Variants in EPB41 observed in about 807,000 individuals in gnomAD.
EPB41 encodes the protein protein 4.1.
A neutral mutation model predicts 108.0 loss-of-function variants in EPB41; 65 were observed. The ratio of observed to expected loss-of-function variants is 0.60; its 90% confidence interval spans 0.49 to 0.74. The LOEUF (loss-of-function observed/expected upper bound fraction) is 0.74. Ranked by LOEUF, EPB41 falls within the 30% of genes least tolerant of loss-of-function variation. The probability of loss-of-function intolerance (pLI) is 0.00; values close to 1 mark genes in which losing one functional copy is unlikely to be tolerated. For missense variants in EPB41, 875 were observed against 1,037.0 expected (o/e 0.84, Z 2.15); for synonymous variants, 336 against 358.9 (o/e 0.94, Z 0.72).
chr1:29,038,512 CTCTT>C (rs1640328108), intron 10 of EPB41, among the ~76,000 whole-genome samples: 1 of 152,258 alleles, frequency 6.6e-6, no homozygotes, highest in African/African-American at 2.4e-5. Flanking sequence ...GAAAAATACT[CTCTT>C]TTTGGTAGTA....
chr1:29,055,275 A>G (rs1645169969), intron 12 of EPB41, among the ~76,000 whole-genome samples: 2 of 152,184 alleles, frequency 1.3e-5, no homozygotes. Flanking sequence ...ACTTTTGACT[A>G]TCCCTCTATT....
intron 16 of EPB41, among the ~76,000 whole-genome samples, chr1:29,083,312 C>T (rs1657492056): frequency 6.6e-6 from 1 of 152,180 alleles, no homozygotes; most frequent in African/African-American, 2.4e-5. Flanking sequence ...CCCATGGTTA[C>T]TCTGTTGTTA....
At chr1:28,963,191 A>G (rs1234671325) in intron 1 of EPB41, among the ~76,000 whole-genome samples, 1 of 152,210 alleles carries the variant, frequency 6.6e-6, no homozygotes, top group East Asian at 1.9e-4. Context: ...AATAACAAAA[A>G]CAAACAAATG....
intron 10 of EPB41, among the ~76,000 whole-genome samples, 163 bp from the exon 11 acceptor site, chr1:29,039,091 A>G (rs947441476): frequency 6.6e-6 from 1 of 152,234 alleles, no homozygotes; most frequent in African/African-American, 2.4e-5. Flanking sequence ...GAGAAATGAC[A>G]AAGAACTAAA....
In EPB41 at chr1:28,993,412, T is replaced by A. The variant is rs1367992922; in HGVS notation, c.551T>A (p.Val184Glu). Residue 184 changes from valine to glutamate, a missense_variant, in exon 3 of 21, where the codon GTA becomes GAA. Val to Glu is a moderately radical substitution (Grantham distance 121). This residue lies in a region of EPB41 where 353 missense variants were observed against 393.2 expected (regional missense o/e 0.90). Coordinates refer to ENST00000343067, the MANE Select transcript of EPB41 (RefSeq NM_001376013.1). The stretch of plus-strand genomic sequence containing the variant: ...CTTGAAGAGTGCTCCAAAATAGAAG[T>A]AAAAGAAGAAAGCCCTCAATCAAAA... ...EGLEECSKIE[V>E]KEESPQSKAE... is the part of the protein sequence containing the mutation. 5.0e-6 allele frequency: 8 copies of A among 1,613,758 alleles called. No homozygotes were observed. Among genetic ancestry groups the A allele is most frequent in the Middle Eastern group, 1.7e-4 (1 of 6,018 alleles).
chr1:28,925,255 G>A (rs2093379559), intron 1 of EPB41, among the ~76,000 whole-genome samples: 1 of 151,942 alleles, frequency 6.6e-6, no homozygotes, highest in Non-Finnish European at 1.5e-5. Flanking sequence ...GAGCCACCGC[G>A]CCTGGCCATT....
chr1:28,966,065 T>C (rs1407040767), intron 1 of EPB41, among the ~76,000 whole-genome samples: 1 of 151,812 alleles, frequency 6.6e-6, no homozygotes, highest in African/African-American at 2.4e-5. Flanking sequence ...AGCCTGTAAT[T>C]CCAGCTACTT....
At position 28,887,658 on chromosome 1, in the gene EPB41, G is replaced by A; in HGVS notation, c.-8+448G>A. 1 of 985,220 alleles carries A rather than the reference G, an allele frequency of 1.0e-6. No homozygotes were observed. The highest frequency in any genetic ancestry group is 1.2e-6 in the Non-Finnish European group (1 of 829,840). 61.0% of individuals were successfully genotyped at this position (985,220 alleles called of 1,614,324 possible). On this transcript the variant is annotated intron_variant, in intron 1 of 16. Transcript: ENST00000347529. This position sits in a 1 kb window ranked among gnomAD's most constrained non-coding sequence, Gnocchi z 4.9. ...GGCTGGCGGCTAGCAGCGGGAGGGG[G>A]CTCCGGGGCCTGGAGCCCCGCGCCC...
intron 7 of EPB41, among the ~76,000 whole-genome samples, chr1:29,029,169 CT>C (rs1479942066): frequency 4.6e-5 from 7 of 151,886 alleles, no homozygotes; most frequent in African/African-American, 1.7e-4. Flanking sequence ...AACTACAAAA[CT>C]TTCCTGAAAT....
At position 28,993,501 on chromosome 1, in the gene EPB41, G is replaced by C. The variant is rs111642750; in HGVS notation, c.640G>C (p.Val214Leu). 1.9e-6 allele frequency: 3 copies of C among 1,614,004 alleles called. No individual in the cohort carries two copies. Among genetic ancestry groups the C allele is most frequent in the Non-Finnish European group, 2.5e-6 (3 of 1,179,980 alleles). The change falls in exon 3 of 21, where the codon GTT (valine) becomes CTT (leucine). Residue 214 changes from valine (V) to leucine (L), a missense_variant. This residue lies in a region of EPB41 where 353 missense variants were observed against 393.2 expected (regional missense o/e 0.90). Transcript: ENST00000343067. ...AAAACACAGGAACATGCACTGCAAG[G>C]TTTCTTTGTTGGATGACACAGTTTA... is the stretch of plus-strand genomic sequence containing the variant. ...IRKHRNMHCKVSLLDDTVYEC... is the reference protein window; with the variant it reads ...IRKHRNMHCKLSLLDDTVYEC...
At chr1:28,933,412 A>G (rs2093843735) in intron 1 of EPB41, among the ~76,000 whole-genome samples, 1 of 152,202 alleles carries the variant, frequency 6.6e-6, no homozygotes. Context: ...TGAGGGTGCT[A>G]AGACTCAATG....
intron 7 of EPB41, among the ~76,000 whole-genome samples, chr1:29,022,359 G>C (rs530190044): frequency 7.3e-6 from 1 of 136,780 alleles, no homozygotes; most frequent in Admixed American, 7.6e-5. Context: ...TTAAGAAACT[G>C]CCATTGATAT....
At chr1:29,069,027 A>G (rs1649925995) in intron 16 of EPB41, 1 of 780,542 alleles carries the variant, frequency 1.3e-6, no homozygotes, top group Middle Eastern at 4.3e-4. Context: ...TGAAGATATA[A>G]ATATGTTTTC....
At chr1:29,068,677 G>A (rs971950941) in intron 16 of EPB41, 33 of 1,078,418 alleles carry the variant, frequency 3.1e-5, no homozygotes, top group Non-Finnish European at 3.5e-5. Context: ...CACCTTTGAC[G>A]GTATTGTTGT....
chr1:28,892,447 C>A (rs148172747), intron 1 of EPB41, among the ~76,000 whole-genome samples: 5 of 152,196 alleles, frequency 3.3e-5, no homozygotes, highest in African/African-American at 1.2e-4. Flanking sequence ...CGAGGCCAGG[C>A]GTGGTGGCTC....
intron 6 of EPB41, among the ~76,000 whole-genome samples, chr1:29,016,342 A>ATTTTTTTTTTT (rs11362146): frequency 1.5e-5 from 2 of 135,776 alleles, no homozygotes; most frequent in Non-Finnish European, 3.1e-5. Context: ...CGCCCTGCTA[A>ATTTTTTTTTTT]TTTTTTTTTT....
intron 1 of EPB41, among the ~76,000 whole-genome samples, chr1:28,941,405 A>G (rs2094280889): frequency 6.6e-6 from 1 of 152,092 alleles, no homozygotes; most frequent in Non-Finnish European, 1.5e-5. Context: ...AATAATGGGG[A>G]AAAATGAGGT....
At chr1:28,942,797 C>G (rs561741532) in intron 1 of EPB41, among the ~76,000 whole-genome samples, 2 of 152,298 alleles carry the variant, frequency 1.3e-5, no homozygotes, top group South Asian at 4.1e-4. Context: ...CCCCTGGCAA[C>G]CAGCCCCCAT....
At chr1:29,043,632 C>T (rs1486227693) in intron 11 of EPB41, among the ~76,000 whole-genome samples, 2 of 152,080 alleles carry the variant, frequency 1.3e-5, no homozygotes, top group Non-Finnish European at 2.9e-5. Context: ...TAAGTGAGGT[C>T]GGAGAAGTAG....
Sources: allele counts gnomAD v4.1 joint callset (sites outside exome capture counted in the v4.1 genomes callset), GRCh38; gene constraint gnomAD v4.1.1; regional missense constraint gnomAD v4.1.1; non-coding constraint Gnocchi (gnomAD v3.1); transcripts MANE v1.5; gene names NCBI Gene and HGNC (gene_info 2026-07-23, HGNC 2026-07-21).